The following TPTE variants were observed in gnomAD, a reference collection of about 807,000 sequenced individuals.
TPTE encodes transmembrane phosphatase with tensin homology.
A neutral mutation model predicts 84.1 loss-of-function variants in TPTE; 59 were observed. The observed-to-expected ratio is 0.70, with a 90% CI of 0.57 to 0.87. The LOEUF (loss-of-function observed/expected upper bound fraction) is 0.87, where lower values mean the gene tolerates loss of function less well. TPTE is among the 40% of genes least tolerant of loss of function. TPTE has a pLI of 0.00. For missense variants in TPTE, 382 were observed against 659.6 expected (o/e 0.58, Z 4.61); for synonymous variants, 130 against 223.5 (o/e 0.58, Z 3.73).
At chr21:10,573,618 G>C (rs2075089713) in intron 14 of TPTE, among the ~76,000 whole-genome samples, 1 of 152,280 alleles carries the variant, frequency 6.6e-6, no homozygotes, top group African/African-American at 2.4e-5. Context: ...TGATAGATAT[G>C]CTGATTATCC....
chr21:10,574,078 TGTGTTTTCTTA>T (rs1252598623), intron 14 of TPTE, among the ~76,000 whole-genome samples: 4 of 152,290 alleles, frequency 2.6e-5, no homozygotes, highest in African/African-American at 9.6e-5. Flanking sequence ...TAACCCAAAA[TGTGTTTTCTTA>T]GGTTGAGATC....
intron 10 of TPTE, among the ~76,000 whole-genome samples, chr21:10,566,454 T>C (rs992701465): frequency 1.3e-5 from 2 of 152,298 alleles, no homozygotes; most frequent in African/African-American, 4.8e-5. Context: ...TGGAGGTTAC[T>C]CAAAAAACTA....
chr21:10,587,190 G>A (rs1171798450), intron 17 of TPTE, among the ~76,000 whole-genome samples: 2 of 152,290 alleles, frequency 1.3e-5, no homozygotes, highest in African/African-American at 4.8e-5. Context: ...ATAGGCAAAA[G>A]ACTTTCTTTT....
intron 14 of TPTE, among the ~76,000 whole-genome samples, chr21:10,576,016 G>A (rs1166442035): frequency 2.0e-5 from 3 of 152,308 alleles, no homozygotes; most frequent in Admixed American, 6.5e-5. Context: ...AGACAGTGTG[G>A]CAATTCCTCA....
intron 21 of TPTE, among the ~76,000 whole-genome samples, chr21:10,600,997 CGTT>C (rs1344441340): frequency 1.3e-4 from 20 of 152,220 alleles, no homozygotes; most frequent in South Asian, 2.1e-4. Flanking sequence ...TACAGACCCC[CGTT>C]GTTATTTTTT....
intron 14 of TPTE, among the ~76,000 whole-genome samples, chr21:10,572,321 G>T (rs1264967063): frequency 1.1e-3 from 162 of 151,940 alleles, no homozygotes; most frequent in African/African-American, 3.8e-3. Flanking sequence ...GTGTGGTGGC[G>T]TGAACCTGTA....
intron 22 of TPTE, among the ~76,000 whole-genome samples, chr21:10,603,266 CTGTT>C (rs1203022120): frequency 1.3e-5 from 2 of 152,310 alleles, no homozygotes; most frequent in Non-Finnish European, 2.9e-5. Flanking sequence ...TTAGTAGAGT[CTGTT>C]TGGCACTATC....
At chr21:10,536,730 A>G (rs1471900757) in intron 3 of TPTE, among the ~76,000 whole-genome samples, 1 of 152,310 alleles carries the variant, frequency 6.6e-6, no homozygotes, top group Non-Finnish European at 1.5e-5. Flanking sequence ...CCCTTATCCA[A>G]CTTTTTGATT....
intron 6 of TPTE, among the ~76,000 whole-genome samples, 175 bp from the exon 7 acceptor site, chr21:10,543,154 C>T (rs1199031607): frequency 1.3e-4 from 18 of 139,536 alleles, no homozygotes; most frequent in Non-Finnish European, 2.4e-4. Flanking sequence ...CTCAGCCTCC[C>T]GAGTAGCTGG....
intron 22 of TPTE, among the ~76,000 whole-genome samples, chr21:10,603,294 A>C (rs1434310150): frequency 2.0e-5 from 3 of 152,312 alleles, no homozygotes; most frequent in African/African-American, 7.2e-5. Flanking sequence ...ACCAGATTCA[A>C]ATAGCAGCAT....
chr21:10,568,405 A>G (rs1444557675), intron 11 of TPTE, among the ~76,000 whole-genome samples: 3 of 152,264 alleles, frequency 2.0e-5, no homozygotes, highest in Admixed American at 2.0e-4. Context: ...GTAGAAACAA[A>G]GAAAGCAGGC....
intron 7 of TPTE, among the ~76,000 whole-genome samples, chr21:10,544,333 AAAG>A (rs1348865452): frequency 1.3e-5 from 2 of 152,424 alleles, no homozygotes; most frequent in Non-Finnish European, 1.5e-5. Context: ...TAAATTTTTA[AAAG>A]AATTTATTTT....
chr21:10,576,854 T>TGCATATATATATGCATATATGC (rs2075163812), intron 14 of TPTE, among the ~76,000 whole-genome samples: 1 of 61,214 alleles, frequency 1.6e-5, no homozygotes, highest in Non-Finnish European at 2.9e-5. Context: ...TATATATATA[T>TGCATATATATATGCATATATGC]ATATATATAT....
chr21:10,583,577 T>C (rs1243670798), intron 17 of TPTE, among the ~76,000 whole-genome samples: 6 of 152,410 alleles, frequency 3.9e-5, no homozygotes, highest in African/African-American at 1.2e-4. Flanking sequence ...AAGTTCTTAG[T>C]TGTATTACCG....
chr21:10,539,383 C>T (rs1343429000), intron 4 of TPTE, among the ~76,000 whole-genome samples: 1 of 152,310 alleles, frequency 6.6e-6, no homozygotes, highest in Non-Finnish European at 1.5e-5. Flanking sequence ...CCCACAGCTA[C>T]TTGCCTGTGT....
intron 8 of TPTE, among the ~76,000 whole-genome samples, chr21:10,555,902 C>T (rs1362364885): frequency 6.6e-6 from 1 of 152,308 alleles, no homozygotes; most frequent in Non-Finnish European, 1.5e-5. Flanking sequence ...AGAAATGCAA[C>T]CTGCCTTTAC....
At chr21:10,557,700 T>C (rs1319782677) in intron 8 of TPTE, among the ~76,000 whole-genome samples, 1 of 152,298 alleles carries the variant, frequency 6.6e-6, no homozygotes, top group East Asian at 1.9e-4. Flanking sequence ...ATTTCTTTTA[T>C]CTCAGGTTAA....
chr21:10,562,456 C>A (rs2074827914), intron 10 of TPTE, among the ~76,000 whole-genome samples: 1 of 152,306 alleles, frequency 6.6e-6, no homozygotes, highest in Non-Finnish European at 1.5e-5. Flanking sequence ...GATATGTGAC[C>A]TTTCAGACAA....
At chr21:10,605,356 C>T in intron 23 of TPTE, 61 bp from the exon 24 acceptor site, 1 of 1,590,148 alleles carries the variant, frequency 6.3e-7, no homozygotes, top group Non-Finnish European at 8.6e-7. Context: ...CGTGGGTACC[C>T]AACTGTGTGG....
Sources: allele counts gnomAD v4.1 joint callset (sites outside exome capture counted in the v4.1 genomes callset), GRCh38; gene constraint gnomAD v4.1.1; transcripts MANE v1.5; gene names NCBI Gene and HGNC (gene_info 2026-07-23, HGNC 2026-07-21).